Variants in GALNT3 observed in about 807,000 individuals in gnomAD.
The protein encoded by GALNT3 is polypeptide N-acetylgalactosaminyltransferase 3, also known as GalNAc transferase 3.
GALNT3 carries 51 observed loss-of-function variants against 69.8 expected under a neutral mutation model. The ratio of observed to expected loss-of-function variants is 0.73; its 90% CI spans 0.58 to 0.92. The LOEUF (loss-of-function observed/expected upper bound fraction) is 0.92, where lower values mean the gene tolerates loss of function less well. GALNT3 is among the 40% of genes least tolerant of loss of function. The pLI is 0.00. For synonymous variants in GALNT3, 265 were observed against 248.5 expected (o/e 1.07, Z -0.63); for missense variants, 711 against 760.0 (o/e 0.94, Z 0.76).
At chr2:165,772,845 GAT>G (rs1256452845) in intron 1 of GALNT3, among the ~76,000 whole-genome samples, 1 of 152,168 alleles carries the variant, frequency 6.6e-6, no homozygotes, top group Admixed American at 6.5e-5. Flanking sequence ...GTCAGTTAAA[GAT>G]CAGTTCATAA....
At chr2:165,784,342 T>C (rs1303656862) in intron 1 of GALNT3, among the ~76,000 whole-genome samples, 1 of 152,086 alleles carries the variant, frequency 6.6e-6, no homozygotes, top group Non-Finnish European at 1.5e-5. Context: ...GAATATGGAA[T>C]TTTTGGGGAG....
chr2:165,780,637 AG>A (rs1683082169), intron 1 of GALNT3, among the ~76,000 whole-genome samples: 1 of 150,518 alleles, frequency 6.6e-6, no homozygotes, highest in African/African-American at 2.5e-5. Flanking sequence ...ATCAGGTTTG[AG>A]GGGTTTTTTT....
At chr2:165,758,616 T>G in intron 6 of GALNT3, 131 bp downstream of exon 6, 1 of 648,092 alleles carries the variant, frequency 1.5e-6, no homozygotes, top group Non-Finnish European at 2.8e-6. Flanking sequence ...ATTCCAAAAT[T>G]TCCAGCAATT....
Position 165,749,307 on chromosome 2 carries a change from A to G in GALNT3, c.1780-404T>C, listed in dbSNP as rs79278148. ...CCTTAAACATGTTTAAAAACAGAAG[A>G]GACCTGTTATGTATTCTCTCAATTC... On this transcript the variant is annotated intron_variant, in intron 10 of 10. Coordinates refer to ENST00000392701, the MANE Select transcript of GALNT3 (RefSeq NM_004482.4). Among the ~76,000 whole-genome samples the G allele has an allele frequency of 7.7e-3, 1,168 of 152,282 alleles. 40 individuals carry two copies. The highest frequency in any genetic ancestry group is 0.061 in the Admixed American group (929 of 15,286).
intron 1 of GALNT3, among the ~76,000 whole-genome samples, chr2:165,784,462 G>T (rs927555283): frequency 1.3e-5 from 2 of 152,162 alleles, no homozygotes; most frequent in African/African-American, 4.8e-5. Flanking sequence ...TTTGGAAGTA[G>T]AGTTAGCTGA....
rs1574008983 is a variant in GALNT3 at position 165,770,781 on chromosome 2, G to C, written c.-81C>G. 6.7e-7 allele frequency: 1 copy of C among 1,492,334 alleles called. No individual in the cohort carries two copies. The highest frequency in any genetic ancestry group is 1.4e-5 in the African/African-American group (1 of 71,948). The allele number at this position is 1,492,334 out of a possible 1,614,324, so 92.4% of individuals were successfully genotyped here. A position where few individuals can be genotyped will look rare whatever the true frequency, so the allele number is the denominator to read the frequency against. On this transcript the variant is annotated 5_prime_UTR_variant, in exon 2 of 11. Coordinates refer to ENST00000392701, the MANE Select transcript of GALNT3 (RefSeq NM_004482.4). ...TTATATTTTTTATCATAGATTTGCTGAGAAGAAGGTATCTTTAATGGTAGT... is the reference window on the plus strand; with the variant it reads ...TTATATTTTTTATCATAGATTTGCTCAGAAGAAGGTATCTTTAATGGTAGT...
chr2:165,783,821 A>G (rs1170308740), intron 1 of GALNT3, among the ~76,000 whole-genome samples: 1 of 152,158 alleles, frequency 6.6e-6, no homozygotes, highest in Non-Finnish European at 1.5e-5. Context: ...CCCCTTCCCC[A>G]TTAGCTGCCA....
intron 1 of GALNT3, among the ~76,000 whole-genome samples, chr2:165,788,395 C>T (rs1683270149): frequency 6.6e-6 from 1 of 150,850 alleles, no homozygotes; most frequent in Non-Finnish European, 1.5e-5. Flanking sequence ...ACATTTCTAC[C>T]CCAAAATTTT....
intron 1 of GALNT3, among the ~76,000 whole-genome samples, chr2:165,785,566 T>C (rs1683202918): frequency 6.6e-6 from 1 of 152,156 alleles, no homozygotes; most frequent in Admixed American, 6.5e-5. Flanking sequence ...GAAAGGAAAA[T>C]GTATGAAGGT....
chr2:165,780,307 G>T (rs928741613), intron 1 of GALNT3, among the ~76,000 whole-genome samples: 7 of 152,164 alleles, frequency 4.6e-5, no homozygotes, highest in Admixed American at 2.0e-4. Context: ...AATTCTTTCA[G>T]GGTCTTTTCA....
chr2:165,781,177 G>A (rs1351890696), intron 1 of GALNT3, among the ~76,000 whole-genome samples: 1 of 152,176 alleles, frequency 6.6e-6, no homozygotes, highest in Non-Finnish European at 1.5e-5. Flanking sequence ...AGCATAGCCT[G>A]TACTGCTGGG....
intron 1 of GALNT3, among the ~76,000 whole-genome samples, chr2:165,789,777 T>G (rs1683304552): frequency 6.6e-6 from 1 of 152,134 alleles, no homozygotes; most frequent in Non-Finnish European, 1.5e-5. Context: ...TGTAAAAGTG[T>G]ACCCCAGCAG....
intron 1 of GALNT3, among the ~76,000 whole-genome samples, chr2:165,784,246 C>T (rs1683174862): frequency 2.0e-5 from 3 of 152,032 alleles, no homozygotes; most frequent in Non-Finnish European, 4.4e-5. Context: ...ATTCTTTAGG[C>T]AAAGGGAGAG....
intron 2 of GALNT3, among the ~76,000 whole-genome samples, chr2:165,769,627 C>T (rs936179674): frequency 8.6e-5 from 13 of 151,434 alleles, no homozygotes; most frequent in African/African-American, 3.2e-4. Context: ...TGGTGGCGGG[C>T]GCCTGTAATC....
chr2:165,767,794 C>T (rs1688669679), intron 2 of GALNT3, among the ~76,000 whole-genome samples: 1 of 151,108 alleles, frequency 6.6e-6, no homozygotes, highest in South Asian at 2.1e-4. Context: ...TTCTAATGAG[C>T]ATGGAAAACA....
At chr2:165,767,516 G>A (rs1029681703) in intron 2 of GALNT3, among the ~76,000 whole-genome samples, 5 of 152,082 alleles carry the variant, frequency 3.3e-5, no homozygotes, top group African/African-American at 1.2e-4. Flanking sequence ...TTGCTTAACT[G>A]ATAATTACCA....
intron 2 of GALNT3, among the ~76,000 whole-genome samples, chr2:165,767,673 CA>C (rs1688667409): frequency 6.6e-6 from 1 of 151,890 alleles, no homozygotes; most frequent in South Asian, 2.1e-4. Flanking sequence ...AATAACTTGC[CA>C]AAGTGACTGT....
rs768887302 is a variant in GALNT3 at position 165,770,674 on chromosome 2, T to C, written c.27A>G (p.Lys9=). ...TATGGTAATGTCTTTTAATGTGTAATTTTACTAGTCGCTTTAGGTGAGCCA... is the reference window on the plus strand; with the variant it reads ...TATGGTAATGTCTTTTAATGTGTAACTTTACTAGTCGCTTTAGGTGAGCCA... MAHLKRLV[K]LHIKRHYHKK... is the part of the protein sequence containing the mutation. The change falls in exon 2 of 11, where the codon AAA becomes AAG. Residue 9 remains lysine, a synonymous_variant. Transcript: ENST00000392701. 6.2e-7 allele frequency: 1 copy of C among 1,605,364 alleles called. No individual in the cohort carries two copies. Among genetic ancestry groups the C allele is most frequent in the South Asian group, 1.1e-5 (1 of 89,822 alleles).
At chr2:165,767,568 T>A (rs1269921094) in intron 2 of GALNT3, among the ~76,000 whole-genome samples, 1 of 152,198 alleles carries the variant, frequency 6.6e-6, no homozygotes, top group African/African-American at 2.4e-5. Context: ...TAATAAAATT[T>A]CACAATATAA....
Sources: allele counts gnomAD v4.1 joint callset (sites outside exome capture counted in the v4.1 genomes callset), GRCh38; gene constraint gnomAD v4.1.1; transcripts MANE v1.5; gene names NCBI Gene and HGNC (gene_info 2026-07-23, HGNC 2026-07-21).